Variants in STARD3 observed in about 807,000 individuals in gnomAD.
STARD3 encodes the protein stAR-related lipid transfer protein 3.
A neutral mutation model predicts 62.0 loss-of-function variants in STARD3; 39 were observed. That is an observed-to-expected ratio of 0.63 (90% CI 0.49 to 0.82). The LOEUF (loss-of-function observed/expected upper bound fraction) is 0.82. Ranked by LOEUF, STARD3 falls within the 40% of genes least tolerant of loss-of-function variation. The pLI, the probability that STARD3 is intolerant of heterozygous loss-of-function variation, is 0.00. For synonymous variants in STARD3, 229 were observed against 242.4 expected, an observed-to-expected ratio of 0.94 and a Z score of 0.51; for missense variants, 543 against 584.5, an observed-to-expected ratio of 0.93 and a Z score of 0.73.
chr17:39,662,991 G>T lies in STARD3; in HGVS notation c.*83G>T. The T allele has an allele frequency of 7.5e-7, 1 of 1,329,014 alleles. No homozygotes were observed. Among genetic ancestry groups the T allele is most frequent in the Non-Finnish European group, 1.0e-6 (1 of 970,642 alleles). The allele number at this position is 1,329,014 out of a possible 1,614,324, so 82.3% of individuals were successfully genotyped here. ...AAAGGGTGCCAGTTGGGCTCGCACTGCCCACATGGGACCTGGCCCCAGGCT... is the reference window on the plus strand; with the variant it reads ...AAAGGGTGCCAGTTGGGCTCGCACTTCCCACATGGGACCTGGCCCCAGGCT... On this transcript the variant is annotated 3_prime_UTR_variant, in exon 15 of 15. Transcript: ENST00000336308.
At chr17:39,641,094 G>T (rs73308323) in intron 1 of STARD3, among the ~76,000 whole-genome samples, 2,227 of 152,316 alleles carry the variant, frequency 0.015, 59 homozygotes, top group African/African-American at 0.051. Context: ...GCGCAGTGGT[G>T]CACACCTGTA....
At position 39,653,464 on chromosome 17, in the gene STARD3, C is replaced by T. The variant is rs2057096047; in HGVS notation, c.-51-17C>T. ...CAGGAGGAGTTTGACAGGACTCTGC[C>T]TCTGCCTCGCCCCCAGCCCTGCTGC... On this transcript the variant is annotated splice_polypyrimidine_tract_variant and intron_variant, in intron 1 of 14. Coordinates refer to ENST00000336308, the MANE Select transcript of STARD3 (RefSeq NM_006804.4). 11 of 1,535,742 alleles carry T rather than the reference C, an allele frequency of 7.2e-6. No individual in the cohort carries two copies. In the East Asian group the frequency reaches 1.2e-4, roughly 16 times the overall value.
At chr17:39,661,107 G>A in intron 13 of STARD3, 22 bp downstream of exon 13, 1 of 1,608,422 alleles carries the variant, frequency 6.2e-7, no homozygotes, top group Non-Finnish European at 8.5e-7. Flanking sequence ...TTTGCCTGGG[G>A]TCACCCCTGC....
intron 8 of STARD3, 131 bp downstream of exon 8, chr17:39,659,237 T>C: frequency 8.2e-7 from 1 of 1,225,466 alleles, no homozygotes; most frequent in Non-Finnish European, 1.2e-6. Context: ...CATCCGAGTG[T>C]CTCCCCCACC....
chr17:39,659,015 C>A (rs910621373), intron 7 of STARD3, 36 bp from the exon 8 acceptor site: 1 of 1,613,542 alleles, frequency 6.2e-7, no homozygotes, highest in South Asian at 1.1e-5. Flanking sequence ...TCTCTCCCCA[C>A]CCCTTGCCAT....
At chr17:39,639,530 C>T (rs951136035) in intron 1 of STARD3, among the ~76,000 whole-genome samples, 1 of 152,204 alleles carries the variant, frequency 6.6e-6, no homozygotes, top group Non-Finnish European at 1.5e-5. Flanking sequence ...GCTCAGAGAT[C>T]AGAAAGCTGG....
intron 2 of STARD3, among the ~76,000 whole-genome samples, chr17:39,655,322 A>T (rs2057116672): frequency 6.6e-6 from 1 of 151,336 alleles, no homozygotes; most frequent in Non-Finnish European, 1.5e-5. Context: ...AGTAGCTGGG[A>T]CCACAGGTGC....
chr17:39,661,182 G>A (rs2145045355), intron 13 of STARD3, 97 bp downstream of exon 13: 1 of 1,092,632 alleles, frequency 9.2e-7, no homozygotes, highest in Non-Finnish European at 1.3e-6. Flanking sequence ...CACTTCCCCT[G>A]CTGAGGCTGC....
chr17:39,644,647 GC>G (rs1477163341), intron 1 of STARD3, among the ~76,000 whole-genome samples: 2 of 137,218 alleles, frequency 1.5e-5, no homozygotes, highest in African/African-American at 5.6e-5. Flanking sequence ...ACCAGCCTGG[GC>G]AACATAGTGA....
intron 2 of STARD3, among the ~76,000 whole-genome samples, chr17:39,654,817 G>A (rs1199251675): frequency 6.6e-6 from 1 of 152,242 alleles, no homozygotes; most frequent in East Asian, 1.9e-4. Flanking sequence ...ACAATGTCTT[G>A]TTAATAGAGG....
intron 1 of STARD3, among the ~76,000 whole-genome samples, chr17:39,651,545 C>T (rs544455812): frequency 9.9e-5 from 15 of 152,210 alleles, no homozygotes; most frequent in African/African-American, 3.4e-4. Flanking sequence ...GAGTTTTTGC[C>T]TCCCCGCTTC....
rs201164370 is a variant in STARD3 at position 39,657,763 on chromosome 17, G to T, written c.298-12G>T. 1 of 1,613,954 alleles carries T rather than the reference G, an allele frequency of 6.2e-7. No homozygotes were observed. The highest frequency in any genetic ancestry group is 1.3e-5 in the African/African-American group (1 of 74,920). ...AGCTTCCTGTGACTGCCTTGCTCCC[G>T]TCCCCCACCAGGTCCTGGCCTTCTT... On this transcript the variant is annotated splice_polypyrimidine_tract_variant and intron_variant, in intron 3 of 14. Transcript: ENST00000336308.
rs15968 is a variant in STARD3, at chr17:39,663,082, C to G, written c.*174C>G. 0.048 allele frequency: 30,080 copies of G among 623,078 alleles called. 940 individuals carry two copies. The highest frequency in any genetic ancestry group is 0.068 in the African/African-American group (3,527 of 51,900). The allele number at this position is 623,078 out of a possible 1,614,324, so 38.6% of individuals were successfully genotyped here. A position where few individuals can be genotyped will look rare whatever the true frequency, so the allele number is the denominator to read the frequency against. On this transcript the variant is annotated 3_prime_UTR_variant, in exon 15 of 15. Transcript: ENST00000336308. The stretch of plus-strand genomic sequence containing the variant: ...ACTGAGCAGGCTGTGGGGTGGAGCA[C>G]TGGACTCCGGGGCCCCACTGGCTGG...
intron 13 of STARD3, 40 bp from the exon 14 acceptor site, chr17:39,662,211 C>T: frequency 1.3e-6 from 2 of 1,588,828 alleles, no homozygotes; most frequent in Non-Finnish European, 1.7e-6. Context: ...CAGGGCCTCA[C>T]TCTGTTCCAA....
intron 1 of STARD3, 63 bp from the exon 2 acceptor site, chr17:39,653,418 C>G: frequency 1.8e-6 from 2 of 1,139,126 alleles, no homozygotes; most frequent in Non-Finnish European, 1.2e-6. Context: ...AGTGGTGGCC[C>G]TGGTGGCTGT....
chr17:39,657,748 G>A (rs1477382898), intron 3 of STARD3, 27 bp from the exon 4 acceptor site: 1 of 1,613,502 alleles, frequency 6.2e-7, no homozygotes. Context: ...AGCTTCCTGT[G>A]ACTGCCTTGC....
At position 39,657,782 on chromosome 17, in the gene STARD3, CCTT is replaced by C. The variant is rs2057145957; in HGVS notation, c.310_312del (p.Phe104del). On this transcript the variant is annotated inframe_deletion, in exon 4 of 15. Coordinates refer to ENST00000336308, the MANE Select transcript of STARD3 (RefSeq NM_006804.4). ...GCTCCCGTCCCCCACCAGGTCCTGGCCTTCTTCCGCTTCTCTGGACTGCTCCTA... is the reference window on the plus strand; with the variant it reads ...GCTCCCGTCCCCCACCAGGTCCTGGCCTTCCGCTTCTCTGGACTGCTCCTA... The C allele has an allele frequency of 6.2e-7, 1 of 1,614,052 alleles. No individual in the cohort carries two copies. The highest frequency in any genetic ancestry group is 8.5e-7 in the Non-Finnish European group (1 of 1,180,004).
At chr17:39,655,401 C>G (rs1426963095) in intron 2 of STARD3, among the ~76,000 whole-genome samples, 1 of 150,788 alleles carries the variant, frequency 6.6e-6, no homozygotes, top group East Asian at 2.0e-4. Flanking sequence ...CCAGGCTGGT[C>G]TCAAACTCCT....
chr17:39,658,902 C>T lies in STARD3; in HGVS notation c.646+82C>T. The T allele has an allele frequency of 2.5e-6, 4 of 1,570,496 alleles. No homozygotes were observed. In the South Asian group the frequency reaches 4.5e-5, roughly 18 times the overall value. On this transcript the variant is annotated intron_variant, in intron 7 of 14. Transcript: ENST00000336308. ...GTAGGCTGGGTCTGTTCTTTCTATT[C>T]CTTCTATCAGGCTCCCTGGGGAAAG...
Sources: allele counts gnomAD v4.1 joint callset (sites outside exome capture counted in the v4.1 genomes callset), GRCh38; gene constraint gnomAD v4.1.1; transcripts MANE v1.5; gene names NCBI Gene and HGNC (gene_info 2026-07-23, HGNC 2026-07-21).